The following RPSA2 variants were observed in gnomAD, a reference collection of about 807,000 sequenced individuals.
RPSA2 encodes small ribosomal subunit protein uS2B.
chr19:23,774,881 T>C, the RPSA2 span, among the ~76,000 whole-genome samples: 1 of 152,192 alleles, frequency 6.6e-6, no homozygotes, highest in East Asian at 1.9e-4. Context: ...GAGAAGATTG[T>C]GACATATCCC....
chr19:23,837,360 C>T, the RPSA2 span, among the ~76,000 whole-genome samples: 1 of 63,710 alleles, frequency 1.6e-5, no homozygotes, highest in African/African-American at 5.6e-5. Flanking sequence ...ATACCAGGAC[C>T]ATGCTGTTTT....
the RPSA2 span, chr19:23,832,183 A>G: frequency 2.4e-6 from 1 of 423,848 alleles, no homozygotes; most frequent in Non-Finnish European, 4.7e-6. Context: ...CTCAACCCTA[A>G]CTAGATATAA....
chr19:23,802,992 A>G, the RPSA2 span, among the ~76,000 whole-genome samples: 1 of 152,334 alleles, frequency 6.6e-6, no homozygotes, highest in South Asian at 2.1e-4. Context: ...ACTATTTTAG[A>G]AAACCTTAAG....
chr19:23,829,634 A>G, the RPSA2 span, among the ~76,000 whole-genome samples: 1 of 152,234 alleles, frequency 6.6e-6, no homozygotes, highest in African/African-American at 2.4e-5. Flanking sequence ...TTTTTGTGGT[A>G]CCTTGGGGAC....
chr19:23,847,178 T>C, the RPSA2 span, among the ~76,000 whole-genome samples: 1 of 152,016 alleles, frequency 6.6e-6, no homozygotes, highest in African/African-American at 2.4e-5. Context: ...TTTTCCTTCA[T>C]TAAATCTTTA....
At chr19:23,806,739 CG>C in the RPSA2 span, among the ~76,000 whole-genome samples, 8 of 148,842 alleles carry the variant, frequency 5.4e-5, 1 homozygote, top group African/African-American at 2.0e-4. Flanking sequence ...GAGCCAAGAT[CG>C]CACCATTGCA....
chr19:23,774,456 GA>G, the RPSA2 span, among the ~76,000 whole-genome samples: 1 of 145,666 alleles, frequency 6.9e-6, no homozygotes, highest in African/African-American at 2.5e-5. Flanking sequence ...TGGCAAGGGA[GA>G]TTGAGACATA....
At chr19:23,784,862 G>A in the RPSA2 span, among the ~76,000 whole-genome samples, 148,988 of 152,314 alleles carry the variant, frequency 0.98, 72,960 homozygotes, top group Middle Eastern at 1. Context: ...CTGCACTGAC[G>A]GTCTGCAGAA....
chr19:23,827,619 C>T, the RPSA2 span: 42 of 1,593,060 alleles, frequency 2.6e-5, no homozygotes, highest in Non-Finnish European at 3.6e-5. Context: ...ACAGATTCTC[C>T]TCTGCGCTAT....
the RPSA2 span, among the ~76,000 whole-genome samples, chr19:23,795,662 T>C: frequency 6.6e-6 from 1 of 152,194 alleles, no homozygotes; most frequent in Non-Finnish European, 1.5e-5. Flanking sequence ...CCTTTTTTTG[T>C]TGTCTTTTGC....
the RPSA2 span, chr19:23,832,243 G>A: frequency 3.8e-5 from 17 of 446,434 alleles, no homozygotes; most frequent in Middle Eastern, 1.4e-3. Flanking sequence ...ATGTGGCAAA[G>A]CGTTTACCCA....
chr19:23,862,820 C>T, the RPSA2 span, among the ~76,000 whole-genome samples: 2 of 150,494 alleles, frequency 1.3e-5, no homozygotes, highest in African/African-American at 4.9e-5. Context: ...AGCTGGCTGC[C>T]TCTCTGGGTC....
the RPSA2 span, chr19:23,808,749 C>T: frequency 9.6e-6 from 8 of 837,370 alleles, no homozygotes; most frequent in South Asian, 2.7e-5. Flanking sequence ...GACCTGATCA[C>T]CTATCTGGAG....
At chr19:23,807,837 G>A in the RPSA2 span, 19 of 425,224 alleles carry the variant, frequency 4.5e-5, no homozygotes, top group South Asian at 1.6e-4. Flanking sequence ...GACTCTTGAC[G>A]TTTAGGTATG....
the RPSA2 span, among the ~76,000 whole-genome samples, chr19:23,836,164 A>G: frequency 2.0e-5 from 3 of 151,996 alleles, no homozygotes; most frequent in African/African-American, 2.4e-5. Context: ...TCTTCTCCCC[A>G]TGTCCCCAAA....
the RPSA2 span, among the ~76,000 whole-genome samples, chr19:23,867,747 G>A: frequency 1.5e-4 from 22 of 151,542 alleles, no homozygotes; most frequent in Non-Finnish European, 2.8e-4. Context: ...GGAGAATGGC[G>A]TGAACCCGGG....
At chr19:23,796,866 A>T in the RPSA2 span, among the ~76,000 whole-genome samples, 14 of 148,158 alleles carry the variant, frequency 9.4e-5, no homozygotes, top group East Asian at 2.0e-4. Context: ...TATTTATCTT[A>T]TTTTTTTTTT....
At chr19:23,760,756 C>T in the RPSA2 span, among the ~76,000 whole-genome samples, 4 of 150,410 alleles carry the variant, frequency 2.7e-5, no homozygotes, top group Admixed American at 2.7e-4. Context: ...CCTCTGCCTC[C>T]CAGGTTCAAG....
the RPSA2 span, among the ~76,000 whole-genome samples, chr19:23,781,344 T>A: frequency 6.6e-6 from 1 of 151,964 alleles, no homozygotes; most frequent in Non-Finnish European, 1.5e-5. Context: ...GAATAATTTA[T>A]TTATTTATTT....
Sources: gnomAD v4.1 joint callset for allele counts (sites outside exome capture counted in the v4.1 genomes callset) on GRCh38, gnomAD v4.1.1 for gene constraint, MANE v1.5 for transcripts, NCBI Gene and HGNC (gene_info 2026-07-23, HGNC 2026-07-21) for gene names.